Variants in ZNF525 observed in about 807,000 individuals in gnomAD.
ZNF525 encodes the protein zinc finger protein 525.
ZNF525 carries 33 observed loss-of-function variants against 37.6 expected under a neutral mutation model. The ratio of observed to expected loss-of-function variants is 0.88; its 90% confidence interval spans 0.67 to 1.17. ZNF525 has a LOEUF of 1.17. Among genes scored for constraint, ZNF525 ranks in the 50% most tolerant of loss-of-function variants. The pLI is 0.00. For synonymous variants in ZNF525, 170 were observed against 182.3 expected (o/e 0.93, Z 0.54); for missense variants, 449 against 543.1 (o/e 0.83, Z 1.72).
chr19:53,383,485 T>A lies in ZNF525; in HGVS notation c.*1466T>A. 2.7e-6 allele frequency: 3 copies of A among 1,091,582 alleles called. No individual in the cohort carries two copies. Among genetic ancestry groups the A allele is most frequent in the Non-Finnish European group, 4.0e-6 (3 of 750,332 alleles). 67.6% of individuals were successfully genotyped at this position (1,091,582 alleles called of 1,614,324 possible). On this transcript the variant is annotated 3_prime_UTR_variant, in exon 4 of 4. Transcript: ENST00000474037. ...TCATACTGGAGAGAAACCATAAAAATGTAAGAGTTTTTGACAAGGCTTTCG... is the reference window on the plus strand; with the variant it reads ...TCATACTGGAGAGAAACCATAAAAAAGTAAGAGTTTTTGACAAGGCTTTCG...
At chr19:53,376,421 G>A (rs536307622) in intron 3 of ZNF525, 4 of 623,560 alleles carry the variant, frequency 6.4e-6, no homozygotes, top group African/African-American at 5.6e-5. Flanking sequence ...TTGCCTTTTT[G>A]TTACATATTA....
chr19:53,375,562 GTGA>G (rs2085515449), intron 2 of ZNF525, among the ~76,000 whole-genome samples: 1 of 152,168 alleles, frequency 6.6e-6, no homozygotes, highest in African/African-American at 2.4e-5. Flanking sequence ...TCCAGCCTGA[GTGA>G]CAGAGTGAGA....
chr19:53,381,784 G>T lies in ZNF525; in HGVS notation c.1205G>T (p.Arg402Leu). The T allele has an allele frequency of 9.6e-7, 1 of 1,042,554 alleles. No homozygotes were observed. Among genetic ancestry groups the T allele is most frequent in the East Asian group, 2.4e-5 (1 of 42,198 alleles). 64.6% of individuals were successfully genotyped at this position (1,042,554 alleles called of 1,614,324 possible). Residue 402 changes from arginine (R) to leucine (L), a missense_variant, in exon 4 of 4, where the codon CGT becomes CTT. Physicochemically the swap from Arg to Leu is moderately radical, Grantham distance 102. Coordinates refer to ENST00000474037, the MANE Select transcript of ZNF525 (RefSeq NM_001348156.2). ...FSHMSTLTCH[R>L]RLHTGEKPYK... The stretch of plus-strand genomic sequence containing the variant: ...CATATGTCAACCCTTACATGCCATC[G>T]TAGACTTCATACTGGAGAGAAACCT...
At chr19:53,365,806 C>A in intron 1 of ZNF525, 47 bp downstream of exon 1, 1 of 157,036 alleles carries the variant, frequency 6.4e-6, no homozygotes, top group African/African-American at 2.4e-5. Context: ...CCCAGGTCCC[C>A]GGCGCTTCTG....
chr19:53,386,456 G>T lies in ZNF525; in HGVS notation c.*4437G>T. ...CATCACAATCACGTTACCATATCAA[G>T]CTGAAAATGTCACCACTATCTGGAC... On this transcript the variant is annotated 3_prime_UTR_variant, in exon 4 of 4. Coordinates refer to ENST00000474037, the MANE Select transcript of ZNF525 (RefSeq NM_001348156.2). The T allele has an allele frequency of 1.5e-6, 1 of 689,170 alleles. No homozygotes were observed. Among genetic ancestry groups the T allele is most frequent in the Non-Finnish European group, 2.6e-6 (1 of 384,154 alleles). The allele number at this position is 689,170 out of a possible 1,614,324, so 42.7% of individuals were successfully genotyped here.
intron 3 of ZNF525, among the ~76,000 whole-genome samples, chr19:53,377,092 C>CT (rs1381124096): frequency 2.6e-5 from 4 of 152,162 alleles, no homozygotes; most frequent in African/African-American, 7.2e-5. Context: ...TTTTTTCATG[C>CT]TTTTTTCTTC....
chr19:53,372,020 C>T (rs575580546), intron 1 of ZNF525, among the ~76,000 whole-genome samples, 195 bp from the exon 2 acceptor site: 139 of 152,232 alleles, frequency 9.1e-4, no homozygotes, highest in African/African-American at 3.3e-3. Flanking sequence ...CCCACTGCTG[C>T]AGCGTGTGTG....
At chr19:53,375,315 C>A (rs574108087) in intron 2 of ZNF525, among the ~76,000 whole-genome samples, 1 of 152,082 alleles carries the variant, frequency 6.6e-6, no homozygotes, top group Non-Finnish European at 1.5e-5. Flanking sequence ...CAGGCAGGGC[C>A]CAGAATTGGG....
In ZNF525 at chr19:53,382,679, A is replaced by G. The variant is rs2085575722; in HGVS notation, c.*660A>G. 2.7e-6 allele frequency: 2 copies of G among 734,264 alleles called. No homozygotes were observed. The highest frequency in any genetic ancestry group is 3.7e-5 in the Admixed American group (2 of 53,762). 45.5% of individuals were successfully genotyped at this position (734,264 alleles called of 1,614,324 possible). A position where few individuals can be genotyped will look rare whatever the true frequency, so the allele number is the denominator to read the frequency against. ...TAATGATTGTCACCACGTCTTCAGT[A>G]ATGCTACAACTATTGCAAATCATTG... On this transcript the variant is annotated 3_prime_UTR_variant, in exon 4 of 4. Transcript: ENST00000474037.
chr19:53,365,924 G>C (rs549219579), intron 1 of ZNF525, among the ~76,000 whole-genome samples, 165 bp downstream of exon 1: 1 of 152,098 alleles, frequency 6.6e-6, no homozygotes, highest in South Asian at 2.1e-4. Flanking sequence ...TTCCTTTTGG[G>C]TTTAAAGTCT....
chr19:53,376,474 T>G, intron 3 of ZNF525: 3 of 588,950 alleles, frequency 5.1e-6, no homozygotes. Flanking sequence ...TGTTCTTATT[T>G]TGTTTTTTCA....
Position 53,382,505 on chromosome 19 carries a change from G to C in ZNF525, c.*486G>C, listed in dbSNP as rs2085574400. 2.9e-6 allele frequency: 2 copies of C among 688,414 alleles called. No individual in the cohort carries two copies. The highest frequency in any genetic ancestry group is 5.4e-6 in the Non-Finnish European group (2 of 369,856). The allele number at this position is 688,414 out of a possible 1,614,324, so 42.6% of individuals were successfully genotyped here. On this transcript the variant is annotated 3_prime_UTR_variant, in exon 4 of 4. Coordinates refer to ENST00000474037, the MANE Select transcript of ZNF525 (RefSeq NM_001348156.2). ...CTTATAAGTGTAATGAGTGTGGCAAGACCTTCAGTAAGGAGTTAACACATG... is the reference window on the plus strand; with the variant it reads ...CTTATAAGTGTAATGAGTGTGGCAACACCTTCAGTAAGGAGTTAACACATG...
At chr19:53,368,723 C>T (rs927237764) in intron 1 of ZNF525, among the ~76,000 whole-genome samples, 3 of 152,010 alleles carry the variant, frequency 2.0e-5, no homozygotes, top group Non-Finnish European at 2.9e-5. Flanking sequence ...CCAGAAGGGT[C>T]GGGGTTCCTT....
chr19:53,375,562 G>C (rs1274711202), intron 2 of ZNF525, among the ~76,000 whole-genome samples: 2 of 152,168 alleles, frequency 1.3e-5, no homozygotes, highest in Non-Finnish European at 2.9e-5. Context: ...TCCAGCCTGA[G>C]TGACAGAGTG....
chr19:53,366,053 T>G (rs1211372336), intron 1 of ZNF525, among the ~76,000 whole-genome samples: 2 of 152,202 alleles, frequency 1.3e-5, no homozygotes, highest in Non-Finnish European at 2.9e-5. Flanking sequence ...CTTTTTAAAG[T>G]CCTCACCCGA....
intron 1 of ZNF525, among the ~76,000 whole-genome samples, chr19:53,367,417 A>G (rs2085456296): frequency 6.6e-6 from 1 of 152,140 alleles, no homozygotes; most frequent in African/African-American, 2.4e-5. Flanking sequence ...ATGAAAGAGC[A>G]GGTTTTCTTC....
At chr19:53,373,779 G>T (rs949904771) in intron 2 of ZNF525, among the ~76,000 whole-genome samples, 2 of 151,028 alleles carry the variant, frequency 1.3e-5, no homozygotes, top group Non-Finnish European at 2.9e-5. Flanking sequence ...ATGAGATTGT[G>T]CCACTGCACT....
intron 1 of ZNF525, among the ~76,000 whole-genome samples, chr19:53,371,489 A>T (rs1217634975): frequency 1.3e-5 from 2 of 152,102 alleles, no homozygotes; most frequent in African/African-American, 4.8e-5. Flanking sequence ...CTCCTGCCTC[A>T]GTCTCCCGAG....
rs2085576610 is a variant in ZNF525, at chr19:53,382,781, G to A, written c.*762G>A. ...TTTCAGACATCGTTCATACCTTGCA[G>A]TTCACGGGCGAACTCATGCTGGAGA... On this transcript the variant is annotated 3_prime_UTR_variant, in exon 4 of 4. Coordinates refer to ENST00000474037, the MANE Select transcript of ZNF525 (RefSeq NM_001348156.2). 2.1e-5 allele frequency: 22 copies of A among 1,050,438 alleles called. No homozygotes were observed. In the South Asian group the frequency reaches 2.7e-4, roughly 13 times the overall value. The allele number at this position is 1,050,438 out of a possible 1,614,324, so 65.1% of individuals were successfully genotyped here.
Sources: gnomAD v4.1 joint callset for allele counts (sites outside exome capture counted in the v4.1 genomes callset) on GRCh38, gnomAD v4.1.1 for gene constraint, MANE v1.5 for transcripts, NCBI Gene and HGNC (gene_info 2026-07-23, HGNC 2026-07-21) for gene names.